ODAD3: variants seen among roughly 807,000 people sequenced by gnomAD.
ODAD3 encodes the protein outer dynein arm-docking complex subunit 3.
Under a neutral mutation model 70.9 loss-of-function variants are expected in ODAD3, and 57 were observed. The observed-to-expected ratio is 0.80, with a 90% CI of 0.65 to 1.00. ODAD3 has a LOEUF of 1.00. Among genes scored for constraint, ODAD3 ranks in the 50% least tolerant of loss-of-function variants. The pLI is 0.00. For synonymous variants in ODAD3, 327 were observed against 315.9 expected (o/e 1.04, Z -0.37); for missense variants, 797 against 763.9 (o/e 1.04, Z -0.51).
At position 11,431,656 on chromosome 19, in the gene ODAD3, C is replaced by T. The variant is rs565728337; in HGVS notation, c.245-636G>A. On this transcript the variant is annotated intron_variant, in intron 1 of 12. Transcript: ENST00000356392. The stretch of plus-strand genomic sequence containing the variant: ...AATACAAAAATTAGCTGGGCATGGC[C>T]GGGCACGGTGGCTCACGTCCATAAT... Among the ~76,000 whole-genome samples the T allele has an allele frequency of 5.9e-4, 89 of 151,372 alleles. 1 individual carries two copies. Among genetic ancestry groups the T allele is most frequent in the Middle Eastern group, 3.4e-3 (1 of 292 alleles).
intron 1 of ODAD3, among the ~76,000 whole-genome samples, chr19:11,434,240 A>C (rs1420768295): frequency 6.7e-6 from 1 of 149,960 alleles, no homozygotes; most frequent in Non-Finnish European, 1.5e-5. Flanking sequence ...ACAAAAAAAA[A>C]CGCGGGTGCA....
At chr19:11,427,483 CTTTT>C (rs376645668) in intron 3 of ODAD3, among the ~76,000 whole-genome samples, 7 of 108,424 alleles carry the variant, frequency 6.5e-5, no homozygotes, top group Non-Finnish European at 1.2e-4. Flanking sequence ...GTTTTCTTTT[CTTTT>C]TTTTTTTTTT....
chr19:11,435,269 T>TA, upstream of ODAD3: 1 of 1,240,246 alleles, frequency 8.1e-7, no homozygotes, highest in Non-Finnish European at 1.1e-6. Flanking sequence ...AGAGGGGCGG[T>TA]CCCAACAGTG....
At chr19:11,424,279 G>T (rs1470935574) in intron 7 of ODAD3, among the ~76,000 whole-genome samples, 1 of 151,942 alleles carries the variant, frequency 6.6e-6, no homozygotes, top group African/African-American at 2.4e-5. Flanking sequence ...TGAGGCGGGA[G>T]GATTGTTTGA....
In ODAD3 at chr19:11,425,555, GTATATATGTGTGTATGTA is replaced by G. The variant is rs1599460216; in HGVS notation, c.963+571_963+588del. On this transcript the variant is annotated intron_variant, in intron 7 of 12. Coordinates refer to ENST00000356392, the MANE Select transcript of ODAD3 (RefSeq NM_145045.5). ...TATATGTGTGTATGTATGTATATAT[GTATATATGTGTGTATGTA>G]TGTATATATGTATGTATATGTGTAT... Among the ~76,000 whole-genome samples, 1,206 of 134,190 alleles carry G rather than the reference GTATATATGTGTGTATGTA, an allele frequency of 9.0e-3. 18 individuals carry two copies. Among genetic ancestry groups the G allele is most frequent in the East Asian group, 0.015 (74 of 5,014 alleles). 88.0% of individuals were successfully genotyped at this position (134,190 alleles called of 152,430 possible). A position where few individuals can be genotyped will look rare whatever the true frequency, so the allele number is the denominator to read the frequency against.
chr19:11,421,941 C>A (rs1969145910), intron 10 of ODAD3, 109 bp from the exon 11 acceptor site: 1 of 1,267,994 alleles, frequency 7.9e-7, no homozygotes, highest in African/African-American at 1.5e-5. Context: ...GGTAAGGGCC[C>A]ACCTGCAGGG....
In ODAD3 at chr19:11,422,912, C is replaced by A. The variant is rs1215199434; in HGVS notation, c.1117-51G>T. On this transcript the variant is annotated intron_variant, in intron 8 of 12. Transcript: ENST00000356392. This position sits in a 1 kb window ranked among gnomAD's most constrained non-coding sequence, Gnocchi z 4.6. ...AGCCAGGGCCTAGGGAGCGTAGGGG[C>A]GCTCCACCTCCTCTCCCCCACCCTG... The A allele has an allele frequency of 1.3e-5, 20 of 1,569,820 alleles. No individual in the cohort carries two copies. Among genetic ancestry groups the A allele is most frequent in the Non-Finnish European group, 1.7e-5 (20 of 1,162,104 alleles).
chr19:11,420,797 G>A lies in ODAD3; in HGVS notation c.*38C>T. ...TGCGCTAGACCCGGAGGGATCGGGG[G>A]CTCCGAAGGGGGCCGCCTGGTGGGT... On this transcript the variant is annotated 3_prime_UTR_variant, in exon 13 of 13. Coordinates refer to ENST00000356392, the MANE Select transcript of ODAD3 (RefSeq NM_145045.5). The A allele has an allele frequency of 1.9e-6, 3 of 1,554,676 alleles. No individual in the cohort carries two copies. The highest frequency in any genetic ancestry group is 2.7e-6 in the Non-Finnish European group (3 of 1,126,566).
intron 3 of ODAD3, among the ~76,000 whole-genome samples, chr19:11,428,317 C>T (rs1169028960): frequency 6.6e-6 from 1 of 152,146 alleles, no homozygotes; most frequent in East Asian, 1.9e-4. Flanking sequence ...TCTTGGCTCA[C>T]TGCAACCTCC....
rs761910295 is a variant in ODAD3, at chr19:11,421,752, T to C, written c.1515A>G (p.Glu505=). Reference sequence around the variant, plus strand: ...GCTGCGCCTGCAGTTTCAGCAGCTTTTCCTCCACGAGGCCCAGCAGGTTTG... The same window carrying C: ...GCTGCGCCTGCAGTTTCAGCAGCTTCTCCTCCACGAGGCCCAGCAGGTTTG... The part of the protein sequence containing the change: ...YVPNLLGLVE[E]KLLKLQAQLQ... Residue 505 remains glutamate (E), a synonymous_variant, in exon 11 of 13, where the codon GAA becomes GAG. Coordinates refer to ENST00000356392, the MANE Select transcript of ODAD3 (RefSeq NM_145045.5). 3 of 1,613,444 alleles carry C rather than the reference T, an allele frequency of 1.9e-6. No individual in the cohort carries two copies. In the East Asian group the frequency reaches 6.7e-5, roughly 36 times the overall value.
chr19:11,425,365 ATGTG>A (rs1474163873), intron 7 of ODAD3, among the ~76,000 whole-genome samples: 1 of 138,982 alleles, frequency 7.2e-6, no homozygotes, highest in Non-Finnish European at 1.5e-5. Context: ...ATATGTACAT[ATGTG>A]TATATATGTG....
At position 11,421,232 on chromosome 19, in the gene ODAD3, G is replaced by T. The variant is rs749846894; in HGVS notation, c.1591-20C>A. The T allele has an allele frequency of 1.2e-6, 2 of 1,606,736 alleles. No individual in the cohort carries two copies. The highest frequency in any genetic ancestry group is 2.2e-5 in the South Asian group (2 of 89,888). On this transcript the variant is annotated intron_variant, in intron 11 of 12. Transcript: ENST00000356392. ...GAGGAACTAAGCGGGGATGGGAAGCGAGAGAGGAAGGTGGGCGGGGCCAGG... is the reference window on the plus strand; with the variant it reads ...GAGGAACTAAGCGGGGATGGGAAGCTAGAGAGGAAGGTGGGCGGGGCCAGG...
Position 11,422,528 on chromosome 19 carries a change from C to G in ODAD3, c.1377G>C (p.Met459Ile). 1 of 1,592,364 alleles carries G rather than the reference C, an allele frequency of 6.3e-7. No homozygotes were observed. The highest frequency in any genetic ancestry group is 8.5e-7 in the Non-Finnish European group (1 of 1,171,168). ...GCTCCAGGCTGTCCTTGGCCACTTG[C>G]ATCGCCCGCAAGGCGCGCTCCAGCT... ...KDQLERALRA[M>I]QVAKDSLEHL... Residue 459 changes from methionine to isoleucine, a missense_variant, in exon 10 of 13, where the codon ATG (methionine) becomes ATC (isoleucine). By Grantham distance (10) the Met-to-Ile change is conservative (BLOSUM62 1). Transcript: ENST00000356392. This position sits in a 1 kb window ranked among gnomAD's most constrained non-coding sequence, Gnocchi z 4.6.
chr19:11,429,056 T>G (rs898181888), intron 3 of ODAD3, among the ~76,000 whole-genome samples: 3 of 150,600 alleles, frequency 2.0e-5, no homozygotes, highest in Admixed American at 1.3e-4. Context: ...TTTTTGTATT[T>G]TTAGTAGAGA....
intron 1 of ODAD3, 68 bp from the exon 2 acceptor site, chr19:11,431,088 G>A: frequency 3.2e-6 from 5 of 1,563,046 alleles, no homozygotes; most frequent in Non-Finnish European, 4.3e-6. Context: ...CATCCCAGAG[G>A]AAAGACCTTT....
Position 11,421,143 on chromosome 19 carries a change from T to G in ODAD3, c.1660A>C (p.Lys554Gln). Residue 554 changes from lysine to glutamine, a missense_variant, in exon 12 of 13, where the codon AAG becomes CAG. By Grantham distance (53) the Lys-to-Gln change is moderately conservative. Coordinates refer to ENST00000356392, the MANE Select transcript of ODAD3 (RefSeq NM_145045.5). ...CCATACTGACCAAAAAACTTGTCCT[T>G]GGAAGTGGCAAGGGGCAGGGCGATG... The part of the protein sequence containing the change: ...TRIALPLATS[K>Q]DKFFDEESEE... 1.2e-6 allele frequency: 2 copies of G among 1,613,638 alleles called. No homozygotes were observed. The highest frequency in any genetic ancestry group is 1.7e-6 in the Non-Finnish European group (2 of 1,179,896).
Position 11,422,630 on chromosome 19 carries a change from G to A in ODAD3, c.1278-3C>T. 2 of 1,601,680 alleles carry A rather than the reference G, an allele frequency of 1.2e-6. No homozygotes were observed. Among genetic ancestry groups the A allele is most frequent in the Admixed American group, 1.7e-5 (1 of 58,992 alleles). On this transcript the variant is annotated splice_polypyrimidine_tract_variant and splice_region_variant and intron_variant, in intron 9 of 12. Transcript: ENST00000356392. The surrounding 1 kb of genome is among the most constrained non-coding windows in gnomAD (Gnocchi z 4.6). ...CCTCGGCTTGCAGTTTCTGCTGGCT[G>A]CAGGGAGCCGGGAGGTCACCCCGGG...
chr19:11,424,885 A>C (rs12971303), intron 7 of ODAD3, among the ~76,000 whole-genome samples: 2 of 50,694 alleles, frequency 3.9e-5, no homozygotes, highest in African/African-American at 2.0e-4. Flanking sequence ...ATGTGTATAT[A>C]TACCTATGTG....
chr19:11,423,845 GC>G (rs2144757824), intron 8 of ODAD3, 31 bp downstream of exon 8: 3 of 1,103,396 alleles, frequency 2.7e-6, no homozygotes, highest in South Asian at 1.3e-5. Flanking sequence ...TGGGGGGGGG[GC>G]GCGGCGGAGA....
Sources: allele counts gnomAD v4.1 joint callset (sites outside exome capture counted in the v4.1 genomes callset), GRCh38; gene constraint gnomAD v4.1.1; non-coding constraint Gnocchi (gnomAD v3.1); transcripts MANE v1.5; gene names NCBI Gene and HGNC (gene_info 2026-07-23, HGNC 2026-07-21).